Variants in CELF2 observed in about 807,000 individuals in gnomAD.
The protein encoded by CELF2 is CUGBP Elav-like family member 2.
Under a neutral mutation model 62.6 loss-of-function variants are expected in CELF2, and 8 were observed. The ratio of observed to expected loss-of-function variants is 0.13; its 90% confidence interval spans 0.07 to 0.23. The LOEUF is 0.23. Among genes scored for constraint, CELF2 ranks in the 10% least tolerant of loss-of-function variants. The pLI is 1.00. For synonymous variants in CELF2, 258 were observed against 250.0 expected (o/e 1.03, Z -0.30); for missense variants, 333 against 671.0 (o/e 0.50, Z 5.56).
chr10:10,933,256 T>C (rs1194483160), intron 2 of CELF2, among the ~76,000 whole-genome samples: 1 of 152,154 alleles, frequency 6.6e-6, no homozygotes, highest in African/African-American at 2.4e-5. Flanking sequence ...TGAGCCATGA[T>C]GGCACCACTG....
At chr10:10,473,847 C>T in the CELF2 span, among the ~76,000 whole-genome samples, 1 of 152,130 alleles carries the variant, frequency 6.6e-6, no homozygotes, top group Non-Finnish European at 1.5e-5. Context: ...CTAGTTTGTC[C>T]TCTAAACTAT....
intron 1 of CELF2, chr10:10,846,172 C>T: frequency 1.1e-6 from 1 of 929,110 alleles, no homozygotes; most frequent in South Asian, 5.0e-5. Context: ...GAATCCATTC[C>T]TTCCTCCCCT....
chr10:10,574,646 T>C, the CELF2 span, among the ~76,000 whole-genome samples: 1 of 152,170 alleles, frequency 6.6e-6, no homozygotes, highest in South Asian at 2.1e-4. Flanking sequence ...TTGTGAAGTA[T>C]AATATGTACA....
intron 1 of CELF2, among the ~76,000 whole-genome samples, chr10:10,835,562 T>C (rs539857397): frequency 5.3e-5 from 8 of 152,236 alleles, no homozygotes; most frequent in African/African-American, 1.7e-4. Context: ...TTTGTATTTT[T>C]AGCAGATATG....
At chr10:11,174,713 A>C (rs577724999) in intron 2 of CELF2, among the ~76,000 whole-genome samples, 4 of 152,222 alleles carry the variant, frequency 2.6e-5, no homozygotes, top group Non-Finnish European at 5.9e-5. Flanking sequence ...CTTTACCCGC[A>C]TGTGGGTCAA....
the CELF2 span, among the ~76,000 whole-genome samples, chr10:10,576,500 G>A: frequency 6.6e-6 from 1 of 152,124 alleles, no homozygotes; most frequent in Non-Finnish European, 1.5e-5. Flanking sequence ...GGTAAAGAAA[G>A]AAGAGTCTAC....
chr10:10,670,578 G>A, the CELF2 span, among the ~76,000 whole-genome samples: 1 of 152,104 alleles, frequency 6.6e-6, no homozygotes, highest in Admixed American at 6.6e-5. Context: ...ATTACATTCA[G>A]TGAACCTAGA....
At chr10:10,857,642 ATATATAG>A (rs1423919780) in intron 1 of CELF2, among the ~76,000 whole-genome samples, 9 of 84,392 alleles carry the variant, frequency 1.1e-4, no homozygotes, top group African/African-American at 4.2e-4. Flanking sequence ...TAAACTACAT[ATATATAG>A]TATATATATA....
In CELF2 at chr10:11,247,857, C is replaced by A. The variant is rs2076082907; in HGVS notation, c.355-1296C>A. Among the ~76,000 whole-genome samples the A allele has an allele frequency of 6.6e-6, 1 of 152,172 alleles. No homozygotes were observed. The highest frequency in any genetic ancestry group is 2.4e-5 in the African/African-American group (1 of 41,424). On this transcript the variant is annotated intron_variant, in intron 3 of 12. Coordinates refer to ENST00000633077, the MANE Select transcript of CELF2 (RefSeq NM_001326342.2). The surrounding 1 kb of genome is among the most constrained non-coding windows in gnomAD (Gnocchi z 5.4). ...ATTCCTCAGCCCAACTCATGGCTTT[C>A]CACAGGTGACTTGTCCTGCTTTTGA...
chr10:11,107,448 G>T (rs550396841), intron 1 of CELF2, among the ~76,000 whole-genome samples: 5 of 152,218 alleles, frequency 3.3e-5, no homozygotes, highest in African/African-American at 1.2e-4. Context: ...GTAGAGTTTG[G>T]CCGCTTAGAT....
the CELF2 span, among the ~76,000 whole-genome samples, chr10:10,585,066 A>G: frequency 1.3e-5 from 2 of 152,202 alleles, no homozygotes; most frequent in Non-Finnish European, 2.9e-5. Flanking sequence ...GAGGTCATCT[A>G]GTAAAATAGC....
chr10:10,777,381 CCTT>C, the CELF2 span, among the ~76,000 whole-genome samples: 2 of 152,194 alleles, frequency 1.3e-5, no homozygotes, highest in African/African-American at 4.8e-5. Context: ...GGCAGCTTCT[CCTT>C]CTGTGCTTTC....
At chr10:11,060,683 T>TCTGAAATTGTCGGTG (rs1371534959) in intron 1 of CELF2, among the ~76,000 whole-genome samples, 1 of 152,234 alleles carries the variant, frequency 6.6e-6, no homozygotes, top group Non-Finnish European at 1.5e-5. Flanking sequence ...CCTGTGTCTG[T>TCTGAAATTGTCGGTG]CTGAAATTGT....
At chr10:11,079,490 G>T (rs775977276) in intron 1 of CELF2, among the ~76,000 whole-genome samples, 1 of 152,144 alleles carries the variant, frequency 6.6e-6, no homozygotes, top group African/African-American at 2.4e-5. Flanking sequence ...AATTATGGGG[G>T]TTCAGGGATT....
chr10:10,467,427 C>T, the CELF2 span, among the ~76,000 whole-genome samples: 1 of 151,960 alleles, frequency 6.6e-6, no homozygotes, highest in Non-Finnish European at 1.5e-5. Context: ...GGGATCTGTA[C>T]CATGGATTTA....
intron 2 of CELF2, among the ~76,000 whole-genome samples, chr10:10,964,671 T>A (rs1027066322): frequency 2.6e-5 from 4 of 152,202 alleles, no homozygotes; most frequent in Admixed American, 6.5e-5. Context: ...ACAGAAAGAA[T>A]AAGAAAACAG....
intron 1 of CELF2, among the ~76,000 whole-genome samples, chr10:10,812,873 C>A (rs930896316): frequency 2.0e-5 from 3 of 152,206 alleles, no homozygotes; most frequent in Admixed American, 6.5e-5. Flanking sequence ...TCCCTTATAT[C>A]ATCAGGCACT....
rs2138472524 is a variant in CELF2, at chr10:11,268,320, A to G, written c.618+1643A>G. Among the ~76,000 whole-genome samples, 1 of 152,244 alleles carries G rather than the reference A, an allele frequency of 6.6e-6. No individual in the cohort carries two copies. Among genetic ancestry groups the G allele is most frequent in the Non-Finnish European group, 1.5e-5 (1 of 68,028 alleles). On this transcript the variant is annotated intron_variant, in intron 6 of 12. Coordinates refer to ENST00000633077, the MANE Select transcript of CELF2 (RefSeq NM_001326342.2). The surrounding 1 kb of genome is among the most constrained non-coding windows in gnomAD (Gnocchi z 4.7). ...CTTGTAATTTAGTGATGTGTACCCA[A>G]ATTGGTCTCACCTGAGATAATTTTG... is the stretch of plus-strand genomic sequence containing the variant.
intron 1 of CELF2, among the ~76,000 whole-genome samples, chr10:11,068,831 A>G (rs1173587434): frequency 1.3e-5 from 2 of 152,190 alleles, no homozygotes; most frequent in Non-Finnish European, 2.9e-5. Context: ...AAGTGCTGGG[A>G]TTACAGGCGT....
Sources: allele counts gnomAD v4.1 joint callset (sites outside exome capture counted in the v4.1 genomes callset), GRCh38; gene constraint gnomAD v4.1.1; non-coding constraint Gnocchi (gnomAD v3.1); transcripts MANE v1.5; gene names NCBI Gene and HGNC (gene_info 2026-07-23, HGNC 2026-07-21).